SCN11A: variants seen among roughly 807,000 people sequenced by gnomAD.
SCN11A encodes sodium channel protein type 11 subunit alpha.
Under a neutral mutation model 162.2 loss-of-function variants are expected in SCN11A, and 122 were observed. The observed-to-expected ratio is 0.75, with a 90% CI of 0.65 to 0.87. SCN11A has a LOEUF of 0.87. Among genes scored for constraint, SCN11A ranks in the 40% least tolerant of loss-of-function variants. The pLI is 0.00. For missense variants in SCN11A, 2,015 were observed against 2,181.6 expected (o/e 0.92, Z 1.52); for synonymous variants, 758 against 751.5 (o/e 1.01, Z -0.14).
intron 2 of SCN11A, among the ~76,000 whole-genome samples, chr3:39,002,675 G>C (rs2030853125): frequency 6.6e-6 from 1 of 152,210 alleles, no homozygotes; most frequent in African/African-American, 2.4e-5. Flanking sequence ...AGCACTCCTT[G>C]ATTTTGCATT....
chr3:39,009,233 G>A (rs562633460), intron 2 of SCN11A, among the ~76,000 whole-genome samples: 2 of 151,922 alleles, frequency 1.3e-5, no homozygotes, highest in African/African-American at 2.4e-5. Flanking sequence ...TACATTTCAT[G>A]AAAAATGTTA....
At chr3:38,911,230 T>C (rs78925619) in intron 11 of SCN11A, among the ~76,000 whole-genome samples, 10,158 of 152,210 alleles carry the variant, frequency 0.067, 396 homozygotes, top group Middle Eastern at 0.11. Context: ...CTTAAGAAGA[T>C]TGTGTAATCT....
intron 2 of SCN11A, among the ~76,000 whole-genome samples, chr3:38,967,745 C>A (rs550526277): frequency 1.3e-5 from 2 of 152,184 alleles, no homozygotes; most frequent in South Asian, 4.1e-4. Context: ...TGAGCAACTT[C>A]CTAAAAGATG....
chr3:38,982,991 C>T (rs925998895), intron 2 of SCN11A, among the ~76,000 whole-genome samples: 14 of 152,234 alleles, frequency 9.2e-5, no homozygotes, highest in African/African-American at 2.9e-4. Flanking sequence ...TACAAAGTAG[C>T]GGGGAAAACT....
chr3:38,879,921 T>C (rs7625935), intron 23 of SCN11A, 29 bp downstream of exon 23: 16 of 1,597,106 alleles, frequency 1.0e-5, no homozygotes, highest in Non-Finnish European at 1.3e-5. Flanking sequence ...TACCCCAGCC[T>C]GTGTGGGACA....
At chr3:39,025,529 T>G (rs74184834) in intron 2 of SCN11A, among the ~76,000 whole-genome samples, 5,321 of 152,212 alleles carry the variant, frequency 0.035, 193 homozygotes, top group East Asian at 0.16. Flanking sequence ...GAACTAAGGG[T>G]TCCTCCCTGT....
chr3:38,956,508 T>G (rs2066683559), intron 3 of SCN11A, among the ~76,000 whole-genome samples: 1 of 152,142 alleles, frequency 6.6e-6, no homozygotes. Flanking sequence ...GGAACCTTGG[T>G]AAGGAACATC....
At chr3:38,995,214 G>A (rs923806604) in intron 2 of SCN11A, among the ~76,000 whole-genome samples, 11 of 150,586 alleles carry the variant, frequency 7.3e-5, no homozygotes, top group Admixed American at 6.0e-4. Flanking sequence ...CACTCCTCCC[G>A]GGTTCACGCC....
At chr3:38,932,336 G>T (rs2066254143) in intron 7 of SCN11A, among the ~76,000 whole-genome samples, 1 of 152,204 alleles carries the variant, frequency 6.6e-6, no homozygotes, top group Non-Finnish European at 1.5e-5. Flanking sequence ...GAGGTAACGG[G>T]TTCATCTCAC....
chr3:38,878,108 C>T (rs1243439451), intron 23 of SCN11A, among the ~76,000 whole-genome samples: 1 of 151,584 alleles, frequency 6.6e-6, no homozygotes, highest in African/African-American at 2.4e-5. Flanking sequence ...CAGAAATCAC[C>T]GCTAAATAAC....
At chr3:38,946,988 A>G in intron 5 of SCN11A, 81 bp from the exon 6 acceptor site, 7 of 816,374 alleles carry the variant, frequency 8.6e-6, no homozygotes, top group Non-Finnish European at 1.2e-5. Flanking sequence ...AATATTTATC[A>G]TGAATTCATT....
chr3:38,896,541 C>T (rs775088832), intron 18 of SCN11A, among the ~76,000 whole-genome samples: 3 of 152,112 alleles, frequency 2.0e-5, no homozygotes, highest in Non-Finnish European at 2.9e-5. Context: ...TCCTATTGAC[C>T]AAATTAACTC....
chr3:38,916,866 A>G (rs2065968644), intron 11 of SCN11A, among the ~76,000 whole-genome samples: 1 of 152,154 alleles, frequency 6.6e-6, no homozygotes, highest in Non-Finnish European at 1.5e-5. Context: ...CCCTGAAAAG[A>G]CCAAAGCCTG....
chr3:39,033,954 G>A (rs193111325), intron 1 of SCN11A, among the ~76,000 whole-genome samples: 1 of 152,100 alleles, frequency 6.6e-6, no homozygotes, highest in Non-Finnish European at 1.5e-5. Flanking sequence ...CACAAGGTCA[G>A]GAGTTCGAGA....
intron 26 of SCN11A, among the ~76,000 whole-genome samples, chr3:38,870,478 C>A (rs77624549): frequency 3.9e-5 from 6 of 152,294 alleles, no homozygotes; most frequent in Admixed American, 3.3e-4. Context: ...GAAGACTGGA[C>A]TTCAGAGAAT....
intron 2 of SCN11A, among the ~76,000 whole-genome samples, chr3:38,966,001 A>G (rs565819467): frequency 3.3e-5 from 5 of 152,234 alleles, no homozygotes; most frequent in African/African-American, 1.2e-4. Context: ...TAAAAAAAAA[A>G]GAAGCTGAGG....
chr3:39,040,009 A>G (rs1035474382), intron 1 of SCN11A, among the ~76,000 whole-genome samples: 1 of 152,176 alleles, frequency 6.6e-6, no homozygotes, highest in African/African-American at 2.4e-5. Context: ...CTAGAGGTAG[A>G]GACATCACGT....
intron 3 of SCN11A, among the ~76,000 whole-genome samples, chr3:38,959,733 C>CA (rs549429294): frequency 1.1e-3 from 173 of 151,864 alleles, no homozygotes; most frequent in Middle Eastern, 3.4e-3. Context: ...ACGTAAGTTA[C>CA]AAAAAAAAGA....
intron 2 of SCN11A, among the ~76,000 whole-genome samples, chr3:39,015,611 CATAT>C (rs2031269952): frequency 6.6e-6 from 1 of 152,144 alleles, no homozygotes; most frequent in African/African-American, 2.4e-5. Flanking sequence ...AACAGAGGTT[CATAT>C]ATATGCAAAA....
Sources: allele counts gnomAD v4.1 joint callset (sites outside exome capture counted in the v4.1 genomes callset), GRCh38; gene constraint gnomAD v4.1.1; transcripts MANE v1.5; gene names NCBI Gene and HGNC (gene_info 2026-07-23, HGNC 2026-07-21).